SPATA3: variants seen among roughly 807,000 people sequenced by gnomAD.
The protein encoded by SPATA3 is spermatogenesis-associated protein 3.
SPATA3 carries 6 observed loss-of-function variants against 5.7 expected under a neutral mutation model. The observed-to-expected ratio is 1.06, with a 90% CI of 0.58 to 2.09. The LOEUF (loss-of-function observed/expected upper bound fraction) is 2.09. Among genes scored for constraint, SPATA3 ranks in the 30% most tolerant of loss-of-function variants. The pLI is 0.00. For synonymous variants in SPATA3, 44 were observed against 48.4 expected (o/e 0.91, Z 0.37); for missense variants, 155 against 130.4 (o/e 1.19, Z -0.92).
At chr2:231,006,852 A>G (rs991012222), downstream of SPATA3, 4 of 152,342 alleles carry the variant, frequency 2.6e-5, no homozygotes, top group African/African-American at 9.6e-5. Context: ...CCCTAAAAGC[A>G]AAGGACTTCT....
intron 1 of SPATA3, chr2:230,996,466 GC>G: frequency 6.4e-7 from 1 of 1,552,222 alleles, no homozygotes; most frequent in African/African-American, 1.4e-5. Flanking sequence ...CCCGAAATCC[GC>G]CGCTCCTCTT....
intron 1 of SPATA3, among the ~76,000 whole-genome samples, chr2:230,998,863 A>T (rs985670280): frequency 6.6e-6 from 1 of 152,224 alleles, no homozygotes; most frequent in Non-Finnish European, 1.5e-5. Flanking sequence ...CAGCAATTCC[A>T]CTTCTCAGTA....
At chr2:231,018,723 T>A (rs1294499921) in intron 6 of SPATA3, among the ~76,000 whole-genome samples, 1 of 152,044 alleles carries the variant, frequency 6.6e-6, no homozygotes, top group Non-Finnish European at 1.5e-5. Flanking sequence ...TCTTGCTCTG[T>A]CACCCAGGCT....
At chr2:230,996,818 A>C (rs1422596699) in intron 1 of SPATA3, among the ~76,000 whole-genome samples, 1 of 152,242 alleles carries the variant, frequency 6.6e-6, no homozygotes, top group Non-Finnish European at 1.5e-5. Context: ...CAGCAGTGCC[A>C]TGCAACTGCT....
chr2:231,003,590 G>GCTC (rs1692434206), downstream of SPATA3, among the ~76,000 whole-genome samples: 1 of 152,186 alleles, frequency 6.6e-6, no homozygotes, highest in Non-Finnish European at 1.5e-5. Flanking sequence ...GCCCTCTGGT[G>GCTC]CTCCTCCTTG....
downstream of SPATA3, among the ~76,000 whole-genome samples, chr2:231,005,824 C>G (rs918576659): frequency 6.6e-6 from 1 of 152,072 alleles, no homozygotes; most frequent in Non-Finnish European, 1.5e-5. Flanking sequence ...CCTAATTTTA[C>G]TGACTTTTGA....
chr2:231,015,945 T>G (rs1270195920), intron 6 of SPATA3, among the ~76,000 whole-genome samples: 1 of 152,208 alleles, frequency 6.6e-6, no homozygotes, highest in Non-Finnish European at 1.5e-5. Context: ...AAATAACATT[T>G]GCATTTCAAG....
At chr2:230,999,280 G>A (rs1048310660) in intron 1 of SPATA3, among the ~76,000 whole-genome samples, 1 of 152,084 alleles carries the variant, frequency 6.6e-6, no homozygotes, top group African/African-American at 2.4e-5. Context: ...TTTCTTTTTG[G>A]GGAAATGAAG....
At chr2:231,011,303 C>T (rs1488019657), downstream of SPATA3, among the ~76,000 whole-genome samples, 10 of 151,952 alleles carry the variant, frequency 6.6e-5, no homozygotes, top group African/African-American at 1.7e-4. Flanking sequence ...TTAGTAGAGA[C>T]GGGGTTTCAC....
chr2:231,012,855 T>C (rs1050867978), intron 5 of SPATA3, among the ~76,000 whole-genome samples: 12 of 152,178 alleles, frequency 7.9e-5, no homozygotes, highest in African/African-American at 2.9e-4. Flanking sequence ...TCTGATGAAA[T>C]TAACAATGAA....
chr2:231,009,576 T>C (rs1240559411), downstream of SPATA3, among the ~76,000 whole-genome samples: 2 of 152,218 alleles, frequency 1.3e-5, no homozygotes, highest in African/African-American at 4.8e-5. Flanking sequence ...TCACCTGGGC[T>C]CATCTCTCCC....
intron 2 of SPATA3, among the ~76,000 whole-genome samples, chr2:231,001,093 A>G (rs1692336929): frequency 6.6e-6 from 1 of 152,160 alleles, no homozygotes; most frequent in South Asian, 2.1e-4. Context: ...CTCCACAGGG[A>G]ACATCTGCCC....
chr2:231,015,604 A>C (rs1692914128), intron 6 of SPATA3, among the ~76,000 whole-genome samples: 1 of 152,174 alleles, frequency 6.6e-6, no homozygotes. Flanking sequence ...CGCATGCTTA[A>C]CTCATGCAAA....
chr2:230,996,619 G>T, intron 1 of SPATA3, 85 bp downstream of exon 1: 1 of 1,460,526 alleles, frequency 6.8e-7, no homozygotes, highest in Non-Finnish European at 9.2e-7. Flanking sequence ...TTGTAGGATA[G>T]TGATGCATGG....
intron 1 of SPATA3, chr2:230,996,523 C>A (rs772628936): frequency 2.1e-5 from 33 of 1,551,786 alleles, no homozygotes; most frequent in Non-Finnish European, 2.9e-5. Flanking sequence ...GCCCCTCAAT[C>A]CAGGAAAGCA....
downstream of SPATA3, among the ~76,000 whole-genome samples, chr2:231,009,338 T>A (rs1283578031): frequency 6.6e-6 from 1 of 152,110 alleles, no homozygotes; most frequent in African/African-American, 2.4e-5. Flanking sequence ...CCCAGCTGCC[T>A]CAAGCGGCAG....
intron 1 of SPATA3, among the ~76,000 whole-genome samples, chr2:230,996,978 A>G (rs116032374): frequency 0.035 from 5,381 of 152,330 alleles, 128 homozygotes; most frequent in Non-Finnish European, 0.049. Flanking sequence ...GTCTGGGTTG[A>G]TGGAGGATGA....
downstream of SPATA3, among the ~76,000 whole-genome samples, chr2:231,005,692 G>A (rs1167632081): frequency 6.8e-6 from 1 of 147,852 alleles, no homozygotes; most frequent in African/African-American, 2.5e-5. Context: ...ACCAGGCCCT[G>A]CACCTGGCAA....
chr2:231,016,401 G>A (rs1692937500), intron 6 of SPATA3, among the ~76,000 whole-genome samples: 1 of 151,698 alleles, frequency 6.6e-6, no homozygotes, highest in Non-Finnish European at 1.5e-5. Flanking sequence ...CAAAGACTAG[G>A]TCCTGGCGGG....
Sources: gnomAD v4.1 joint callset for allele counts (sites outside exome capture counted in the v4.1 genomes callset) on GRCh38, gnomAD v4.1.1 for gene constraint, MANE v1.5 for transcripts, NCBI Gene and HGNC (gene_info 2026-07-23, HGNC 2026-07-21) for gene names.